SEMA4D: variants seen among roughly 807,000 people sequenced by gnomAD.
The protein encoded by SEMA4D is semaphorin-4D.
A neutral mutation model predicts 74.8 loss-of-function variants in SEMA4D; 22 were observed. The observed-to-expected ratio is 0.29, with a 90% CI of 0.21 to 0.42. The LOEUF (loss-of-function observed/expected upper bound fraction) is 0.42, where lower values mean the gene tolerates loss of function less well. SEMA4D is among the 10% of genes least tolerant of loss of function. The pLI is 1.00. For synonymous variants in SEMA4D, 445 were observed against 463.7 expected, an observed-to-expected ratio of 0.96 and a Z score of 0.52; for missense variants, 937 against 1,118.4, an observed-to-expected ratio of 0.84 and a Z score of 2.31.
At chr9:89,460,929 G>C (rs1857055155) in intron 1 of SEMA4D, among the ~76,000 whole-genome samples, 1 of 152,162 alleles carries the variant, frequency 6.6e-6, no homozygotes, top group Non-Finnish European at 1.5e-5. Context: ...GGACGGAGAA[G>C]GCGACCTGCT....
intron 1 of SEMA4D, among the ~76,000 whole-genome samples, chr9:89,459,780 A>G (rs1856800235): frequency 6.6e-6 from 1 of 152,204 alleles, no homozygotes; most frequent in African/African-American, 2.4e-5. Context: ...TCAGCTGGTC[A>G]GAAAGGCCCA....
chr9:89,411,458 G>A (rs56214541), intron 2 of SEMA4D, among the ~76,000 whole-genome samples: 9,786 of 152,196 alleles, frequency 0.064, 671 homozygotes, highest in African/African-American at 0.17. Context: ...TCTAAGATGG[G>A]AAAGTCAGGA....
At chr9:89,370,960 G>A (rs1179780813) in intron 16 of SEMA4D, among the ~76,000 whole-genome samples, 1 of 142,742 alleles carries the variant, frequency 7.0e-6, no homozygotes, top group Non-Finnish European at 1.5e-5. Flanking sequence ...TGTGTATCTG[G>A]GGTAGGGTGT....
intron 7 of SEMA4D, 146 bp downstream of exon 7, chr9:89,393,416 C>T: frequency 1.5e-6 from 1 of 651,410 alleles, no homozygotes; most frequent in Non-Finnish European, 2.7e-6. Flanking sequence ...AGGGTCTATG[C>T]AGTCACATGT....
intron 2 of SEMA4D, among the ~76,000 whole-genome samples, chr9:89,438,020 G>C (rs577540234): frequency 6.6e-6 from 1 of 152,364 alleles, no homozygotes; most frequent in East Asian, 1.9e-4. Flanking sequence ...GGGATAGAAG[G>C]GCAGGGCCAT....
At chr9:89,458,211 G>A (rs1182855715) in intron 1 of SEMA4D, among the ~76,000 whole-genome samples, 1 of 152,148 alleles carries the variant, frequency 6.6e-6, no homozygotes, top group Non-Finnish European at 1.5e-5. Flanking sequence ...CAGGCTTTTG[G>A]GAGGACAGTC....
intron 2 of SEMA4D, among the ~76,000 whole-genome samples, chr9:89,423,459 G>A (rs1382714681): frequency 3.9e-5 from 6 of 152,010 alleles, no homozygotes; most frequent in Middle Eastern, 3.2e-3. Flanking sequence ...CAAAGTGCTG[G>A]GATTATAGGC....
At chr9:89,437,304 A>T (rs1850668557) in intron 2 of SEMA4D, among the ~76,000 whole-genome samples, 1 of 152,170 alleles carries the variant, frequency 6.6e-6, no homozygotes, top group Admixed American at 6.5e-5. Context: ...TTTTCCTCCC[A>T]CAGCGGCAGG....
At chr9:89,365,664 CAA>C (rs911931120) in intron 16 of SEMA4D, 10 of 152,228 alleles carry the variant, frequency 6.6e-5, no homozygotes, top group Admixed American at 2.6e-4. Context: ...ATTCCAGAGC[CAA>C]AAGAGTCCAA....
intron 16 of SEMA4D, chr9:89,364,002 A>T (rs759619926): frequency 4.3e-6 from 7 of 1,613,722 alleles, no homozygotes; most frequent in Non-Finnish European, 5.1e-6. Context: ...GACCCAAAGA[A>T]GCTGCCCCAT....
chr9:89,444,784 A>G (rs571329470), intron 2 of SEMA4D, among the ~76,000 whole-genome samples: 21 of 152,320 alleles, frequency 1.4e-4, no homozygotes, highest in Middle Eastern at 3.4e-3. Context: ...AAAGAGACAT[A>G]TTCGACCATA....
intron 16 of SEMA4D, among the ~76,000 whole-genome samples, chr9:89,370,247 A>G (rs1168351451): frequency 6.6e-6 from 1 of 150,532 alleles, no homozygotes; most frequent in African/African-American, 2.5e-5. Flanking sequence ...TATTGTGTGC[A>G]TGCACATGGT....
intron 1 of SEMA4D, among the ~76,000 whole-genome samples, chr9:89,478,293 T>C (rs1364480538): frequency 1.3e-5 from 2 of 152,168 alleles, no homozygotes; most frequent in African/African-American, 4.8e-5. Flanking sequence ...AGTGCCCTTA[T>C]AGATACACTC....
chr9:89,388,120 G>A lies in SEMA4D; in HGVS notation c.1108-512C>T, dbSNP rs538043339. ...ATGGTGTCAGGGACAGCTGCCCTTG[G>A]GAGGGAGCTGGTGCTGCAGTGAACT... On this transcript the variant is annotated intron_variant, in intron 11 of 15. Transcript: ENST00000422704. Among the ~76,000 whole-genome samples the A allele has an allele frequency of 2.8e-4, 43 of 152,288 alleles. No individual in the cohort carries two copies. The South Asian group carries it at 8.7e-3, about 31-fold the overall frequency.
At chr9:89,371,405 CTGGGGTGTGGTGTGTGTCTG>C (rs1588109248) in intron 16 of SEMA4D, among the ~76,000 whole-genome samples, 2 of 36,604 alleles carry the variant, frequency 5.5e-5, no homozygotes, top group Admixed American at 4.0e-4. Flanking sequence ...TGGTGTGTGT[CTGGGGTGTGGTGTGTGTCTG>C]GGGTGTGTGT....
At chr9:89,422,448 C>CTG (rs1847169782) in intron 2 of SEMA4D, among the ~76,000 whole-genome samples, 1 of 152,208 alleles carries the variant, frequency 6.6e-6, no homozygotes, top group African/African-American at 2.4e-5. Context: ...GACAGGCAGG[C>CTG]TGGGAGCCAT....
At chr9:89,391,976 C>T (rs943291288) in intron 8 of SEMA4D, among the ~76,000 whole-genome samples, 18 of 152,312 alleles carry the variant, frequency 1.2e-4, no homozygotes, top group Admixed American at 4.6e-4. Context: ...ACATTGAAGA[C>T]GGACATCGGA....
intron 2 of SEMA4D, among the ~76,000 whole-genome samples, chr9:89,407,993 GGTTTC>G (rs1843676128): frequency 6.6e-6 from 1 of 152,238 alleles, no homozygotes; most frequent in Non-Finnish European, 1.5e-5. Context: ...AACCAGTAAT[GGTTTC>G]TACATAGGCT....
downstream of SEMA4D, chr9:89,376,627 T>G (rs1835821466): frequency 7.3e-6 from 5 of 686,188 alleles, no homozygotes; most frequent in Non-Finnish European, 9.5e-6. Flanking sequence ...CCCTGTACAC[T>G]AGAAGTGGCT....
Sources: gnomAD v4.1 joint callset for allele counts (sites outside exome capture counted in the v4.1 genomes callset) on GRCh38, gnomAD v4.1.1 for gene constraint, MANE v1.5 for transcripts, NCBI Gene and HGNC (gene_info 2026-07-23, HGNC 2026-07-21) for gene names.